The following DGKZ variants were observed in gnomAD, a reference collection of about 807,000 sequenced individuals.
DGKZ encodes DAG kinase zeta.
A neutral mutation model predicts 142.5 loss-of-function variants in DGKZ; 45 were observed. The ratio of observed to expected loss-of-function variants is 0.32; its 90% CI spans 0.25 to 0.40. DGKZ has a LOEUF of 0.40. Among genes scored for constraint, DGKZ ranks in the 10% least tolerant of loss-of-function variants. DGKZ has a pLI of 1.00. For missense variants in DGKZ, 755 were observed against 1,306.5 expected, an observed-to-expected ratio of 0.58 and a Z score of 6.51; for synonymous variants, 442 against 527.0, an observed-to-expected ratio of 0.84 and a Z score of 2.21.
In DGKZ at chr11:46,377,416, TCTC is replaced by T; in HGVS notation, c.2342+206_2342+208del. The T allele has an allele frequency of 3.1e-6, 3 of 958,352 alleles. No homozygotes were observed. In the East Asian group the frequency reaches 9.1e-5, roughly 29 times the overall value. The allele number at this position is 958,352 out of a possible 1,614,324, so 59.4% of individuals were successfully genotyped here. The stretch of plus-strand genomic sequence containing the variant: ...GTCCACCCTGGTTCCCTCCCTGACT[TCTC>T]CCTCCTCTGGACCTCATCCTTCAGC... On this transcript the variant is annotated intron_variant, in intron 25 of 30. Transcript: ENST00000527911.
chr11:46,338,486 ACTCCATCTC>A (rs1251787568), intron 1 of DGKZ: 35 of 121,662 alleles, frequency 2.9e-4, no homozygotes, highest in Non-Finnish European at 5.2e-4. Context: ...ACAGAGCAAA[ACTCCATCTC>A]AAAAAAAAAA....
At chr11:46,345,162 C>A, upstream of DGKZ, 2 of 844,564 alleles carry the variant, frequency 2.4e-6, no homozygotes, top group African/African-American at 1.8e-5. The surrounding 1 kb of genome is among the most constrained non-coding windows in gnomAD (Gnocchi z 4.1). Flanking sequence ...CAGACAGGAG[C>A]CCAGGTGCAG....
chr11:46,377,207 G>A (rs573646160), exon 25 of DGKZ: 23 of 1,591,842 alleles, frequency 1.4e-5, no homozygotes, highest in Admixed American at 3.4e-5. Context: ...GCTCACCCAC[G>A]CCCCGGTGAG....
exon 14 of DGKZ, chr11:46,373,022 A>G (rs1309652150): frequency 6.5e-7 from 1 of 1,542,696 alleles, no homozygotes; most frequent in Non-Finnish European, 8.8e-7. Context: ...AACGTGGTAC[A>G]GCTGGACCGC....
Position 46,374,389 on chromosome 11 carries a change from C to T in DGKZ, c.1406-10C>T, listed in dbSNP as rs1247558613. On this transcript the variant is annotated splice_polypyrimidine_tract_variant and intron_variant, in intron 15 of 30. Transcript: ENST00000527911. ...TGACTCACTGGCCCCCACTGCTTGT[C>T]TCCACCCAGAGGCCAACCCAGAGAA... is the stretch of plus-strand genomic sequence containing the variant. The T allele has an allele frequency of 2.5e-6, 4 of 1,613,964 alleles. No homozygotes were observed. The highest frequency in any genetic ancestry group is 2.7e-5 in the African/African-American group (2 of 74,938).
intron 1 of DGKZ, chr11:46,364,270 G>A: frequency 1.0e-6 from 1 of 965,574 alleles, no homozygotes; most frequent in Non-Finnish European, 1.4e-6. Flanking sequence ...TTCCTCATCA[G>A]GAATGCAGTG....
rs1272586358 is a variant in DGKZ, at chr11:46,347,682, C to T, written c.23C>T (p.Pro8Leu). The T allele has an allele frequency of 3.4e-6, 5 of 1,449,624 alleles. No individual in the cohort carries two copies. Among genetic ancestry groups the T allele is most frequent in the Admixed American group, 2.5e-5 (1 of 39,670 alleles). 89.8% of individuals were successfully genotyped at this position (1,449,624 alleles called of 1,614,324 possible). Residue 8 changes from proline to leucine, a missense_variant, in exon 1 of 31, where the codon CCC (proline) becomes CTC (leucine). Coordinates refer to ENST00000527911, the Ensembl canonical transcript of DGKZ. This position sits in a 1 kb window ranked among gnomAD's most constrained non-coding sequence, Gnocchi z 6.4. ...CGGATGGAGCCGCGGGACGGTAGCCCCGAGGCCCGGAGCAGCGACTCCGAG... is the reference window on the plus strand; with the variant it reads ...CGGATGGAGCCGCGGGACGGTAGCCTCGAGGCCCGGAGCAGCGACTCCGAG...
At chr11:46,337,936 A>G (rs1940092244) in intron 1 of DGKZ, among the ~76,000 whole-genome samples, 1 of 152,194 alleles carries the variant, frequency 6.6e-6, no homozygotes, top group Non-Finnish European at 1.5e-5. Context: ...GGTGTGGGCC[A>G]AGCATTACCT....
At chr11:46,375,781 G>A (rs1287883252) in intron 20 of DGKZ, 70 bp from the exon 21 acceptor site, 4 of 1,530,132 alleles carry the variant, frequency 2.6e-6, no homozygotes, top group Admixed American at 2.0e-5. Flanking sequence ...CAAGTGGTTT[G>A]GTGCCAGGCC....
At chr11:46,333,557 A>G (rs1590361955) in intron 1 of DGKZ, 3 of 1,395,738 alleles carry the variant, frequency 2.1e-6, no homozygotes, top group Middle Eastern at 2.4e-4. Flanking sequence ...CATTGCACAA[A>G]CGTTTATTGT....
chr11:46,362,383 T>C (rs1235302617), intron 1 of DGKZ, among the ~76,000 whole-genome samples: 1 of 152,148 alleles, frequency 6.6e-6, no homozygotes, highest in Non-Finnish European at 1.5e-5. Context: ...CCGGCTCTGT[T>C]CCTCATGCGG....
chr11:46,348,969 C>T (rs1025684311), intron 1 of DGKZ, among the ~76,000 whole-genome samples: 1 of 152,218 alleles, frequency 6.6e-6, no homozygotes, highest in African/African-American at 2.4e-5. Flanking sequence ...ACCCCCACCC[C>T]GCCCCTTAGC....
intron 4 of DGKZ, chr11:46,368,587 TC>T: frequency 3.8e-6 from 1 of 263,460 alleles, no homozygotes; most frequent in Non-Finnish European, 7.6e-6. Flanking sequence ...GGGCAGCGCT[TC>T]CCAGCCTGCA....
Position 46,379,454 on chromosome 11 carries a change from C to T in DGKZ, c.2574C>T (p.Asn858=), listed in dbSNP as rs994309349. 1.2e-6 allele frequency: 2 copies of T among 1,603,816 alleles called. No individual in the cohort carries two copies. Among genetic ancestry groups the T allele is most frequent in the Non-Finnish European group, 1.7e-6 (2 of 1,175,660 alleles). The change falls in exon 30 of 31, where the codon AAC becomes AAT. Residue 858 remains asparagine (N), a splice_region_variant and synonymous_variant. Coordinates refer to ENST00000527911, the Ensembl canonical transcript of DGKZ. ...GGGACGGGATGGGGTACACAGCCAG[C>T]CCCTGCTCCCCCAGCGGGGAGACCT... is the stretch of plus-strand genomic sequence containing the variant.
At position 46,376,187 on chromosome 11, in the gene DGKZ, G is replaced by A. The variant is rs1485756292; in HGVS notation, c.2091+42G>A. The A allele has an allele frequency of 2.5e-6, 4 of 1,609,868 alleles. No individual in the cohort carries two copies. The South Asian group carries it at 3.3e-5, about 13-fold the overall frequency. Reference sequence around the variant, plus strand: ...TCCCCAGGTGCCCACCGAGAGGGTGGTGGGAAGTGAGGCCAGGCCTCTTCC... The same window carrying A: ...TCCCCAGGTGCCCACCGAGAGGGTGATGGGAAGTGAGGCCAGGCCTCTTCC... On this transcript the variant is annotated intron_variant, in intron 22 of 30. Transcript: ENST00000527911.
intron 1 of DGKZ, chr11:46,365,512 A>C (rs1943147394): frequency 1.0e-6 from 1 of 985,268 alleles, no homozygotes; most frequent in Non-Finnish European, 1.2e-6. Context: ...AGGGAGACTG[A>C]GCAGCCTCTC....
intron 6 of DGKZ, among the ~76,000 whole-genome samples, chr11:46,370,618 A>G (rs1176097751): frequency 6.6e-6 from 1 of 152,172 alleles, no homozygotes; most frequent in Non-Finnish European, 1.5e-5. Context: ...GGGTCTGGTC[A>G]GGCCTCGGGG....
At chr11:46,348,369 C>T (rs943000038) in intron 1 of DGKZ, among the ~76,000 whole-genome samples, 1 of 152,190 alleles carries the variant, frequency 6.6e-6, no homozygotes, top group Non-Finnish European at 1.5e-5. Context: ...AAGCTCTGGT[C>T]ACTGGTTTAA....
chr11:46,377,325 C>A, intron 25 of DGKZ, 113 bp downstream of exon 25: 3 of 1,441,320 alleles, frequency 2.1e-6, no homozygotes, highest in Non-Finnish European at 2.7e-6. Context: ...ATGGTGTCAA[C>A]CTGAACCTGG....
Sources: allele counts gnomAD v4.1 joint callset (sites outside exome capture counted in the v4.1 genomes callset), GRCh38; gene constraint gnomAD v4.1.1; non-coding constraint Gnocchi (gnomAD v3.1); transcripts MANE v1.5; gene names NCBI Gene and HGNC (gene_info 2026-07-23, HGNC 2026-07-21).